The following MCTP1 variants were observed in gnomAD, a reference collection of about 807,000 sequenced individuals.
The protein encoded by MCTP1 is multiple C2 and transmembrane domain-containing protein 1.
MCTP1 carries 69 observed loss-of-function variants against 120.6 expected under a neutral mutation model. The ratio of observed to expected loss-of-function variants is 0.57; its 90% CI spans 0.47 to 0.70. The LOEUF (loss-of-function observed/expected upper bound fraction) is 0.70, where lower values mean the gene tolerates loss of function less well. MCTP1 is among the 30% of genes least tolerant of loss of function. MCTP1 has a pLI of 0.00. For synonymous variants in MCTP1, 529 were observed against 493.1 expected (o/e 1.07, Z -0.96); for missense variants, 1,203 against 1,248.8 (o/e 0.96, Z 0.55).
Position 95,015,169 on chromosome 5 carries a change from T to G in MCTP1, c.838+2198A>C, listed in dbSNP as rs139442139. 4.6e-3 allele frequency among the ~76,000 whole-genome samples: 701 copies of G among 152,240 alleles called. 7 individuals carry two copies. Among genetic ancestry groups the G allele is most frequent in the African/African-American group, 0.016 (678 of 41,552 alleles). On this transcript the variant is annotated intron_variant, in intron 2 of 22. Transcript: ENST00000515393. ...ATGCACTGGGAAATACAAAAATTTGTGTGACTTGCTTTATTGTGATATTTT... is the reference window on the plus strand; with the variant it reads ...ATGCACTGGGAAATACAAAAATTTGGGTGACTTGCTTTATTGTGATATTTT...
chr5:95,236,470 T>C (rs1405482472), intron 1 of MCTP1, among the ~76,000 whole-genome samples: 1 of 152,206 alleles, frequency 6.6e-6, no homozygotes, highest in African/African-American at 2.4e-5. Flanking sequence ...AGTTAATAGC[T>C]GGCCATCTTC....
chr5:94,812,499 A>AAC (rs909027595), intron 17 of MCTP1, among the ~76,000 whole-genome samples: 32 of 151,890 alleles, frequency 2.1e-4, no homozygotes, highest in African/African-American at 5.6e-4. Context: ...AACAAAACAA[A>AAC]AAAAAAACCC....
chr5:94,945,842 A>G (rs1029590579), intron 3 of MCTP1, among the ~76,000 whole-genome samples: 1 of 152,212 alleles, frequency 6.6e-6, no homozygotes, highest in Admixed American at 6.5e-5. Context: ...ATGATGAGGA[A>G]AGTGTCTTCT....
At chr5:94,947,491 C>T (rs890969851) in intron 3 of MCTP1, among the ~76,000 whole-genome samples, 1 of 146,986 alleles carries the variant, frequency 6.8e-6, no homozygotes, top group South Asian at 2.2e-4. Context: ...CTATTTCCCA[C>T]AGAATATATG....
At chr5:94,738,591 C>T (rs1764814550) in intron 19 of MCTP1, among the ~76,000 whole-genome samples, 1 of 152,134 alleles carries the variant, frequency 6.6e-6, no homozygotes, top group African/African-American at 2.4e-5. Flanking sequence ...ACTCAAAGCC[C>T]ATTGCCTACA....
chr5:95,212,749 C>T (rs939498119), intron 1 of MCTP1, among the ~76,000 whole-genome samples: 2 of 151,914 alleles, frequency 1.3e-5, no homozygotes, highest in Non-Finnish European at 2.9e-5. Context: ...ATAAACAGAA[C>T]CAAAGACAAA....
At chr5:94,867,544 T>G (rs1262044320) in intron 17 of MCTP1, 2 of 467,342 alleles carry the variant, frequency 4.3e-6, no homozygotes, top group Non-Finnish European at 7.6e-6. Flanking sequence ...AAGCATAAGG[T>G]ACTCATATTT....
chr5:94,872,351 T>C (rs929179950), intron 13 of MCTP1, among the ~76,000 whole-genome samples: 1 of 152,044 alleles, frequency 6.6e-6, no homozygotes, highest in Admixed American at 6.6e-5. Flanking sequence ...TTATCTCTTA[T>C]AAAAATGTGG....
intron 1 of MCTP1, among the ~76,000 whole-genome samples, chr5:95,080,405 G>C (rs1754628264): frequency 6.6e-6 from 1 of 152,138 alleles, no homozygotes; most frequent in Non-Finnish European, 1.5e-5. Flanking sequence ...AATATGTTTG[G>C]AAGTTGAAAT....
At chr5:95,175,778 C>A (rs928213974) in intron 1 of MCTP1, among the ~76,000 whole-genome samples, 1 of 152,174 alleles carries the variant, frequency 6.6e-6, no homozygotes, top group African/African-American at 2.4e-5. Flanking sequence ...CAGAGGCCCA[C>A]CCACTCACAC....
intron 17 of MCTP1, among the ~76,000 whole-genome samples, chr5:94,858,297 C>T (rs761286605): frequency 1.3e-5 from 2 of 151,592 alleles, no homozygotes; most frequent in Non-Finnish European, 3.0e-5. Flanking sequence ...TTCAAGAGTT[C>T]GTGATTACCA....
chr5:95,284,517 AAGG>A lies in MCTP1; in HGVS notation c.56_58del (p.Ser19del), dbSNP rs2152750127. ...CAGGTTCTTCCAGAGCCGGGCCTGG[AAGG>A]AGGAGGACGCCGCCGGCGGCTCTGG... On this transcript the variant is annotated inframe_deletion, in exon 1 of 23. Transcript: ENST00000515393. The surrounding 1 kb of genome is among the most constrained non-coding windows in gnomAD (Gnocchi z 5.2). 2.0e-6 allele frequency: 3 copies of A among 1,500,986 alleles called. No individual in the cohort carries two copies. The highest frequency in any genetic ancestry group is 2.1e-5 in the Admixed American group (1 of 47,236). The allele number at this position is 1,500,986 out of a possible 1,614,324, so 93.0% of individuals were successfully genotyped here.
intron 2 of MCTP1, among the ~76,000 whole-genome samples, chr5:95,002,315 G>A (rs1833894201): frequency 6.6e-6 from 1 of 152,180 alleles, no homozygotes; most frequent in Non-Finnish European, 1.5e-5. Context: ...GCCTAGTGGA[G>A]CTATGAGAAG....
intron 1 of MCTP1, among the ~76,000 whole-genome samples, chr5:95,078,827 A>AAATAAT (rs924479577): frequency 6.6e-6 from 1 of 151,934 alleles, no homozygotes; most frequent in Non-Finnish European, 1.5e-5. Flanking sequence ...CATAAAAAGG[A>AAATAAT]AATAATAATA....
intron 19 of MCTP1, among the ~76,000 whole-genome samples, chr5:94,730,723 G>A (rs560864188): frequency 6.6e-6 from 1 of 152,176 alleles, no homozygotes; most frequent in East Asian, 1.9e-4. Context: ...TACCCCTGGC[G>A]GTTATCTGTA....
chr5:95,229,563 A>G (rs1177628442), intron 1 of MCTP1, among the ~76,000 whole-genome samples: 2 of 152,084 alleles, frequency 1.3e-5, no homozygotes, highest in South Asian at 2.1e-4. Flanking sequence ...CCTGGCCAAC[A>G]TGGTGAAACC....
intron 19 of MCTP1, among the ~76,000 whole-genome samples, chr5:94,747,420 C>A (rs991650484): frequency 1.3e-5 from 2 of 152,010 alleles, no homozygotes; most frequent in Non-Finnish European, 2.9e-5. Context: ...GCTTCCAATT[C>A]AGAAGTAATT....
chr5:94,996,331 T>G (rs899916521), intron 2 of MCTP1, among the ~76,000 whole-genome samples: 2 of 152,238 alleles, frequency 1.3e-5, no homozygotes, highest in Non-Finnish European at 2.9e-5. Flanking sequence ...GAATAAGTCA[T>G]GCCTTTGTTT....
Position 95,285,014 on chromosome 5 carries a change from C to G in MCTP1, c.-439G>C, listed in dbSNP as rs1194929574. ...CTGCGCCAGGGACCGCACCCGGCGC[C>G]CTCTGGGCAGCACCTGTCAGCGGCG... is the stretch of plus-strand genomic sequence containing the variant. On this transcript the variant is annotated 5_prime_UTR_variant, in exon 1 of 23. Transcript: ENST00000515393. Among the ~76,000 whole-genome samples the G allele has an allele frequency of 6.6e-6, 1 of 152,168 alleles. No homozygotes were observed. The highest frequency in any genetic ancestry group is 6.5e-5 in the Admixed American group (1 of 15,290).
Sources: gnomAD v4.1 joint callset for allele counts (sites outside exome capture counted in the v4.1 genomes callset) on GRCh38, gnomAD v4.1.1 for gene constraint, Gnocchi (gnomAD v3.1) non-coding constraint, MANE v1.5 for transcripts, NCBI Gene and HGNC (gene_info 2026-07-23, HGNC 2026-07-21) for gene names.